The following TRAPPC8 variants were observed in gnomAD, a reference collection of about 807,000 sequenced individuals.
TRAPPC8 encodes the protein trafficking protein particle complex subunit 8, also known as general sporulation gene 1 homolog.
TRAPPC8 carries 54 observed loss-of-function variants against 174.3 expected under a neutral mutation model. The observed-to-expected ratio is 0.31, with a 90% confidence interval of 0.25 to 0.39. The LOEUF (loss-of-function observed/expected upper bound fraction) is 0.39, where lower values mean the gene tolerates loss of function less well. Among genes scored for constraint, TRAPPC8 ranks in the 10% least tolerant of loss-of-function variants. The probability of loss-of-function intolerance (pLI) is 1.00; values close to 1 mark genes in which losing one functional copy is unlikely to be tolerated. For synonymous variants in TRAPPC8, 630 were observed against 579.9 expected (o/e 1.09, Z -1.24); for missense variants, 1,531 against 1,699.1 (o/e 0.90, Z 1.74).
intron 2 of TRAPPC8, among the ~76,000 whole-genome samples, chr18:31,926,127 T>C (rs1310672410): frequency 6.6e-6 from 1 of 152,198 alleles, no homozygotes; most frequent in Admixed American, 6.6e-5. Context: ...TTTCATTATA[T>C]TCTCTGTGTT....
chr18:31,893,033 A>AC (rs1242720010), intron 11 of TRAPPC8, among the ~76,000 whole-genome samples: 4 of 147,458 alleles, frequency 2.7e-5, no homozygotes, highest in East Asian at 2.0e-4. Flanking sequence ...AGGGAAAAAA[A>AC]AAAAAAAACA....
chr18:31,855,907 G>C, intron 20 of TRAPPC8, 100 bp from the exon 21 acceptor site: 1 of 1,290,782 alleles, frequency 7.7e-7, no homozygotes, highest in Non-Finnish European at 1.0e-6. Flanking sequence ...ATCACTCTCA[G>C]GACCATTTAT....
chr18:31,887,665 TAGTA>T (rs1434574224), intron 12 of TRAPPC8, among the ~76,000 whole-genome samples: 2 of 126,648 alleles, frequency 1.6e-5, no homozygotes, highest in African/African-American at 2.9e-5. Context: ...AAAAAAAAAA[TAGTA>T]AGAGCCATTT....
intron 11 of TRAPPC8, among the ~76,000 whole-genome samples, chr18:31,892,465 ATT>A (rs1337077275): frequency 6.6e-6 from 1 of 152,134 alleles, no homozygotes; most frequent in African/African-American, 2.4e-5. Flanking sequence ...TAAATTACCG[ATT>A]GTTTCATATT....
chr18:31,878,908 C>G (rs2035290624), intron 12 of TRAPPC8, among the ~76,000 whole-genome samples: 1 of 151,998 alleles, frequency 6.6e-6, no homozygotes, highest in Non-Finnish European at 1.5e-5. Flanking sequence ...ATAAAGAGTT[C>G]AATTCAACAA....
chr18:31,876,998 A>G (rs749466428), intron 12 of TRAPPC8, among the ~76,000 whole-genome samples: 1 of 152,222 alleles, frequency 6.6e-6, no homozygotes, highest in Admixed American at 6.5e-5. Context: ...CTGCTGTGAC[A>G]TTAGCAAGTT....
rs1158190722 is a variant in TRAPPC8, at chr18:31,883,039, A to G, written c.1728+7696T>C. Among the ~76,000 whole-genome samples, 3 of 150,858 alleles carry G rather than the reference A, an allele frequency of 2.0e-5. No individual in the cohort carries two copies. In the East Asian group the frequency reaches 6.0e-4, roughly 30 times the overall value. On this transcript the variant is annotated intron_variant, in intron 12 of 28. Coordinates refer to ENST00000283351, the MANE Select transcript of TRAPPC8 (RefSeq NM_014939.5). ...GGAGTTCGAGACCAGCCTGGCCAAC[A>G]TGGTGAAACCCCATCTCTATTAAAA... is the stretch of plus-strand genomic sequence containing the variant.
intron 12 of TRAPPC8, among the ~76,000 whole-genome samples, chr18:31,877,981 C>T (rs1730495993): frequency 6.6e-6 from 1 of 151,200 alleles, no homozygotes; most frequent in African/African-American, 2.4e-5. Context: ...AAGGGCAAGG[C>T]CCAATTCCCC....
chr18:31,874,478 A>C lies in TRAPPC8; in HGVS notation c.1953+2T>G, dbSNP rs35752881. 6.2e-7 allele frequency: 1 copy of C among 1,613,188 alleles called. No homozygotes were observed. The highest frequency in any genetic ancestry group is 8.5e-7 in the Non-Finnish European group (1 of 1,179,220). Reference sequence around the variant, plus strand: ...TATTCCTGAATGAAAATAAGCAGTCACCTTGTAAACATAAAGATATTCTCT... The same window carrying C: ...TATTCCTGAATGAAAATAAGCAGTCCCCTTGTAAACATAAAGATATTCTCT... On this transcript the variant is annotated splice_donor_variant, in intron 13 of 28. Coordinates refer to ENST00000283351, the MANE Select transcript of TRAPPC8 (RefSeq NM_014939.5). LOFTEE classifies it high-confidence loss of function.
chr18:31,905,980 A>T (rs1377271537), intron 9 of TRAPPC8, among the ~76,000 whole-genome samples: 5 of 152,158 alleles, frequency 3.3e-5, no homozygotes, highest in South Asian at 4.1e-4. Context: ...GGATGACTAT[A>T]ATGAGCAATC....
chr18:31,874,879 G>C (rs2035066589), intron 12 of TRAPPC8, among the ~76,000 whole-genome samples, 175 bp from the exon 13 acceptor site: 1 of 152,092 alleles, frequency 6.6e-6, no homozygotes, highest in African/African-American at 2.4e-5. Flanking sequence ...AATTATATAT[G>C]GAATGATATA....
At chr18:31,864,999 C>T (rs2034518962) in intron 18 of TRAPPC8, among the ~76,000 whole-genome samples, 1 of 151,954 alleles carries the variant, frequency 6.6e-6, no homozygotes, top group Non-Finnish European at 1.5e-5. Context: ...TTTAGATATA[C>T]TTTGCAAAAA....
chr18:31,887,902 G>A (rs1031425557), intron 12 of TRAPPC8, among the ~76,000 whole-genome samples: 2 of 152,152 alleles, frequency 1.3e-5, no homozygotes, highest in Non-Finnish European at 2.9e-5. Context: ...AAGAGAGGAA[G>A]TCAAATTGTC....
chr18:31,887,158 C>T (rs938688706), intron 12 of TRAPPC8, among the ~76,000 whole-genome samples: 1 of 152,184 alleles, frequency 6.6e-6, no homozygotes, highest in Non-Finnish European at 1.5e-5. Flanking sequence ...CACAATCAAG[C>T]TGGCGTCATC....
chr18:31,904,246 A>AAG (rs2036566064), intron 9 of TRAPPC8, among the ~76,000 whole-genome samples: 1 of 152,034 alleles, frequency 6.6e-6, no homozygotes, highest in African/African-American at 2.4e-5. Context: ...CAAAAAAAAA[A>AAG]AAAAAGAAAA....
At chr18:31,852,397 T>C (rs770357424) in intron 24 of TRAPPC8, 49 bp downstream of exon 24, 2 of 1,589,590 alleles carry the variant, frequency 1.3e-6, no homozygotes, top group Non-Finnish European at 1.7e-6. Context: ...TACCCAGATA[T>C]GCTATAACTA....
chr18:31,936,674 GGTGGATC>G (rs1044735903), intron 1 of TRAPPC8, among the ~76,000 whole-genome samples: 5 of 152,044 alleles, frequency 3.3e-5, no homozygotes, highest in Non-Finnish European at 4.4e-5. Context: ...GCCGAAGGCG[GGTGGATC>G]ACTTGAGGTC....
chr18:31,890,576 T>C (rs1440040579), intron 12 of TRAPPC8, among the ~76,000 whole-genome samples, 159 bp downstream of exon 12: 4 of 152,210 alleles, frequency 2.6e-5, no homozygotes, highest in Non-Finnish European at 5.9e-5. Context: ...TCAAAATTTA[T>C]AGCCAGATTT....
At position 31,921,303 on chromosome 18, in the gene TRAPPC8, A is replaced by G. The variant is rs572410497; in HGVS notation, c.353-3636T>C. ...GGGAGATAAGAAAGGAGAGGGATCGACCAAGTGCTGTGAATAAAGAGATCT... is the reference window on the plus strand; with the variant it reads ...GGGAGATAAGAAAGGAGAGGGATCGGCCAAGTGCTGTGAATAAAGAGATCT... On this transcript the variant is annotated intron_variant, in intron 2 of 28. Coordinates refer to ENST00000283351, the MANE Select transcript of TRAPPC8 (RefSeq NM_014939.5). 6.6e-5 allele frequency among the ~76,000 whole-genome samples: 10 copies of G among 152,264 alleles called. No individual in the cohort carries two copies. The South Asian group carries it at 1.7e-3, about 25-fold the overall frequency.
Sources: gnomAD v4.1 joint callset for allele counts (sites outside exome capture counted in the v4.1 genomes callset) on GRCh38, gnomAD v4.1.1 for gene constraint, MANE v1.5 for transcripts, NCBI Gene and HGNC (gene_info 2026-07-23, HGNC 2026-07-21) for gene names.